Variants in POLA1 observed in about 807,000 individuals in gnomAD.
The protein encoded by POLA1 is DNA polymerase alpha catalytic subunit.
Under a neutral mutation model 124.0 loss-of-function variants are expected in POLA1, and 15 were observed. The observed-to-expected ratio is 0.12, with a 90% CI of 0.08 to 0.19. The LOEUF is 0.19. Ranked by LOEUF, POLA1 falls within the 10% of genes least tolerant of loss-of-function variation. The pLI is 1.00. For missense variants in POLA1, 886 were observed against 1,103.4 expected (o/e 0.80, Z 2.79); for synonymous variants, 408 against 389.4 (o/e 1.05, Z -0.56).
At chrX:24,741,352 T>G in intron 20 of POLA1, 23 bp from the exon 21 acceptor site, 1 of 1,150,887 alleles carries the variant, frequency 8.7e-7, no homozygotes, top group Non-Finnish European at 1.2e-6. Context: ...TTGATTCTGT[T>G]TCATTCTTAC....
intron 34 of POLA1, among the ~76,000 whole-genome samples, chrX:24,864,074 C>T (rs764689141): frequency 1.2e-4 from 13 of 109,846 alleles, no homozygotes; most frequent in Middle Eastern, 4.7e-3. Flanking sequence ...CTCTACTTCC[C>T]GGGTTCAAGT....
At chrX:24,835,136 C>T (rs997438318) in intron 32 of POLA1, among the ~76,000 whole-genome samples, 2 of 109,423 alleles carry the variant, frequency 1.8e-5, no homozygotes, top group African/African-American at 3.3e-5. Flanking sequence ...CAACCTCTGC[C>T]TCCCAGGTTC....
intron 35 of POLA1, among the ~76,000 whole-genome samples, chrX:24,925,195 G>C (rs775550909): frequency 6.2e-5 from 7 of 112,031 alleles, no homozygotes; most frequent in Non-Finnish European, 1.3e-4. Context: ...CGTGGTGTTT[G>C]GGGGTACGTT....
At chrX:24,909,648 A>G (rs1303681923) in intron 35 of POLA1, among the ~76,000 whole-genome samples, 3 of 111,270 alleles carry the variant, frequency 2.7e-5, no homozygotes, top group Non-Finnish European at 5.7e-5. Context: ...GCCTTGTAGT[A>G]TAGTTTGAAG....
At chrX:24,904,322 A>T (rs935345347) in intron 35 of POLA1, among the ~76,000 whole-genome samples, 1 of 110,778 alleles carries the variant, frequency 9.0e-6, no homozygotes, top group African/African-American at 3.3e-5. Flanking sequence ...ACAGCGTAAA[A>T]CCAAGCGTGG....
At chrX:24,897,429 T>G (rs1264429583) in intron 35 of POLA1, among the ~76,000 whole-genome samples, 1 of 91,681 alleles carries the variant, frequency 1.1e-5, no homozygotes, top group Non-Finnish European at 2.1e-5. Context: ...ATCACTGGAC[T>G]CCCCAAGGGC....
At chrX:24,832,075 T>TA (rs2046271019) in intron 32 of POLA1, among the ~76,000 whole-genome samples, 1 of 111,455 alleles carries the variant, frequency 9.0e-6, no homozygotes, top group African/African-American at 3.3e-5. Context: ...AAAGGTGAAA[T>TA]AAAGGGTTAT....
At chrX:24,727,297 C>T (rs1355305050) in intron 14 of POLA1, among the ~76,000 whole-genome samples, 2 of 111,114 alleles carry the variant, frequency 1.8e-5, no homozygotes, top group African/African-American at 6.5e-5. Context: ...GTGCATCCCT[C>T]ATTATGCTGT....
At chrX:24,914,959 A>G (rs1457307333) in intron 35 of POLA1, among the ~76,000 whole-genome samples, 1 of 112,477 alleles carries the variant, frequency 8.9e-6, no homozygotes, top group African/African-American at 3.2e-5. Flanking sequence ...TTGTAATAAT[A>G]ATTGAAAATG....
chrX:24,866,594 A>G (rs751953003), intron 34 of POLA1, among the ~76,000 whole-genome samples: 14 of 112,184 alleles, frequency 1.2e-4, no homozygotes, highest in South Asian at 7.4e-4. Context: ...TGCAGTGCTT[A>G]TTAATCCTTT....
chrX:24,697,133 T>G (rs1294588820), intron 1 of POLA1, among the ~76,000 whole-genome samples: 2 of 111,489 alleles, frequency 1.8e-5, no homozygotes, highest in African/African-American at 6.5e-5. Context: ...TTGCTTTACT[T>G]GACTGGGGGC....
chrX:24,784,748 A>G (rs1569309029), intron 26 of POLA1, among the ~76,000 whole-genome samples: 2 of 112,223 alleles, frequency 1.8e-5, no homozygotes, highest in East Asian at 5.6e-4. Context: ...CCTAAGTTAT[A>G]GGTCTCACAG....
intron 24 of POLA1, 140 bp from the exon 25 acceptor site, chrX:24,748,171 A>G: frequency 2.3e-6 from 1 of 437,605 alleles, no homozygotes; most frequent in East Asian, 4.0e-5. Flanking sequence ...TCTTTCTTAT[A>G]CTACTCATGC....
chrX:24,886,040 A>G (rs2047061330), intron 34 of POLA1, among the ~76,000 whole-genome samples: 1 of 112,221 alleles, frequency 8.9e-6, no homozygotes, highest in Non-Finnish European at 1.9e-5. Context: ...TGTGACTCCA[A>G]AACACTGATT....
chrX:24,781,420 C>G (rs1404230893), intron 26 of POLA1, among the ~76,000 whole-genome samples: 2 of 111,783 alleles, frequency 1.8e-5, no homozygotes, highest in Admixed American at 9.5e-5. Flanking sequence ...TTGTAACATT[C>G]TAGCAAAGCC....
intron 1 of POLA1, among the ~76,000 whole-genome samples, chrX:24,695,242 A>G (rs1395099255): frequency 1.8e-5 from 2 of 111,061 alleles, no homozygotes; most frequent in Non-Finnish European, 3.8e-5. Context: ...GGATAGAGAT[A>G]CTCCAGATGG....
intron 35 of POLA1, among the ~76,000 whole-genome samples, chrX:24,894,184 C>G (rs1426578562): frequency 8.9e-6 from 1 of 112,284 alleles, no homozygotes; most frequent in African/African-American, 3.2e-5. Context: ...GGTGCTCTCA[C>G]TAGCACTAGT....
At chrX:24,924,804 G>A (rs1181790807) in intron 35 of POLA1, among the ~76,000 whole-genome samples, 2 of 111,854 alleles carry the variant, frequency 1.8e-5, no homozygotes, top group Admixed American at 1.9e-4. Flanking sequence ...GTAAGGGTGT[G>A]GAGGAAGGAA....
intron 26 of POLA1, among the ~76,000 whole-genome samples, chrX:24,762,564 T>C (rs1171551650): frequency 1.7e-4 from 19 of 110,504 alleles, no homozygotes; most frequent in African/African-American, 6.3e-4. Flanking sequence ...CTAGCATGTG[T>C]AGAGGTCCTG....
Sources: allele counts gnomAD v4.1 joint callset (sites outside exome capture counted in the v4.1 genomes callset), GRCh38; gene constraint gnomAD v4.1.1; transcripts MANE v1.5; gene names NCBI Gene and HGNC (gene_info 2026-07-23, HGNC 2026-07-21).